Variants in NDUFA10 observed in about 807,000 individuals in gnomAD.
NDUFA10 encodes the protein NADH dehydrogenase [ubiquinone] 1 alpha subcomplex subunit 10, mitochondrial.
NDUFA10 carries 40 observed loss-of-function variants against 47.8 expected under a neutral mutation model. That is an observed-to-expected ratio of 0.84 (90% CI 0.65 to 1.09). The LOEUF is 1.09. NDUFA10 is among the 50% of genes least tolerant of loss of function. The probability of loss-of-function intolerance (pLI) is 0.00; values close to 1 mark genes in which losing one functional copy is unlikely to be tolerated. For missense variants in NDUFA10, 413 were observed against 451.1 expected (o/e 0.92, Z 0.76); for synonymous variants, 183 against 172.2 (o/e 1.06, Z -0.49).
chr2:239,934,768 G>A (rs531101445), intron 4 of NDUFA10, among the ~76,000 whole-genome samples: 1 of 152,288 alleles, frequency 6.6e-6, no homozygotes, highest in South Asian at 2.1e-4. Context: ...CCTCCGTGCA[G>A]CATCAATCAC....
At chr2:239,917,862 G>A (rs1012700677) in intron 4 of NDUFA10, among the ~76,000 whole-genome samples, 3 of 152,198 alleles carry the variant, frequency 2.0e-5, no homozygotes, top group African/African-American at 4.8e-5. Flanking sequence ...CCCACAACAA[G>A]AGCCCCTCTG....
At chr2:239,946,056 C>T (rs972242417) in intron 4 of NDUFA10, among the ~76,000 whole-genome samples, 7 of 152,364 alleles carry the variant, frequency 4.6e-5, no homozygotes, top group Middle Eastern at 3.4e-3. Flanking sequence ...CCAGGGCAGA[C>T]GTGTCCCTTG....
At chr2:239,962,240 C>CCCCT (rs1559322325) in intron 9 of NDUFA10, among the ~76,000 whole-genome samples, 1 of 151,476 alleles carries the variant, frequency 6.6e-6, no homozygotes, top group East Asian at 1.9e-4. Flanking sequence ...CACACACACA[C>CCCCT]CCCTTCCAAA....
chr2:239,965,306 G>T (rs951456154), intron 9 of NDUFA10, among the ~76,000 whole-genome samples: 1 of 151,784 alleles, frequency 6.6e-6, no homozygotes, highest in African/African-American at 2.4e-5. Context: ...GAACCATGCG[G>T]GGGGGGAGGG....
rs1694739620 is a variant in NDUFA10, at chr2:239,959,047, G to C, written c.*2071C>G. ...CCTCTTCTTGAGGCTTCTATGTGGA[G>C]AGAAGAATTGGACAGTGTTTATTCA... On this transcript the variant is annotated 3_prime_UTR_variant, in exon 10 of 10. Transcript: ENST00000252711. 4.1e-6 allele frequency: 4 copies of C among 985,362 alleles called. No individual in the cohort carries two copies. The South Asian group carries it at 1.9e-4, about 46-fold the overall frequency. 61.0% of individuals were successfully genotyped at this position (985,362 alleles called of 1,614,324 possible).
intron 4 of NDUFA10, among the ~76,000 whole-genome samples, chr2:239,934,299 G>C (rs1167452901): frequency 2.0e-5 from 3 of 152,198 alleles, no homozygotes; most frequent in Non-Finnish European, 4.4e-5. Context: ...TCACTGCCAT[G>C]TTGGGAGGGA....
chr2:239,955,835 T>C (rs936000528), downstream of NDUFA10, among the ~76,000 whole-genome samples: 10 of 152,074 alleles, frequency 6.6e-5, no homozygotes, highest in Admixed American at 1.3e-4. Flanking sequence ...ACCTCACCTG[T>C]GGGCACGGCT....
At chr2:239,940,335 G>T (rs1694340600) in intron 4 of NDUFA10, among the ~76,000 whole-genome samples, 1 of 152,190 alleles carries the variant, frequency 6.6e-6, no homozygotes, top group Non-Finnish European at 1.5e-5. Flanking sequence ...GAGAGTGTGT[G>T]GCATAAGGAT....
intron 9 of NDUFA10, among the ~76,000 whole-genome samples, chr2:239,989,232 A>G (rs561826149): frequency 1.3e-5 from 2 of 152,384 alleles, no homozygotes; most frequent in African/African-American, 4.8e-5. Context: ...AAATTTACTT[A>G]AAAGAAAATG....
In NDUFA10 at chr2:240,018,292, T is replaced by C. The variant is rs1574896724; in HGVS notation, c.547+261A>G. The C allele has an allele frequency of 1.1e-5, 11 of 1,000,160 alleles. No individual in the cohort carries two copies. The East Asian group carries it at 1.6e-4, about 14-fold the overall frequency. 62.0% of individuals were successfully genotyped at this position (1,000,160 alleles called of 1,614,324 possible). ...ACGGGAGGCTGTGGGGGCTGCACTT[T>C]AAGCTGCGTGTGTTTGAGGTCCAGG... is the stretch of plus-strand genomic sequence containing the variant. On this transcript the variant is annotated intron_variant, in intron 4 of 9. Transcript: ENST00000252711.
intron 3 of NDUFA10, among the ~76,000 whole-genome samples, chr2:240,020,071 C>T (rs1418761159): frequency 6.6e-6 from 1 of 152,228 alleles, no homozygotes. Flanking sequence ...CACCACCGTA[C>T]AACTGTGTAG....
At chr2:239,941,169 C>T (rs943551345) in intron 4 of NDUFA10, among the ~76,000 whole-genome samples, 2 of 152,216 alleles carry the variant, frequency 1.3e-5, no homozygotes, top group South Asian at 2.1e-4. Flanking sequence ...AGGCAATAGA[C>T]GTATGACCCA....
intron 9 of NDUFA10, among the ~76,000 whole-genome samples, chr2:239,974,681 T>C (rs997123331): frequency 3.3e-5 from 5 of 152,132 alleles, no homozygotes; most frequent in African/African-American, 1.2e-4. Flanking sequence ...TATGTGACAC[T>C]CTACCACCAA....
chr2:239,988,947 AGC>A (rs1491188125), intron 9 of NDUFA10, among the ~76,000 whole-genome samples: 2 of 151,500 alleles, frequency 1.3e-5, no homozygotes, highest in Non-Finnish European at 2.9e-5. Context: ...AGGGAGAAAC[AGC>A]ACACACACAC....
At chr2:239,966,402 A>C (rs1695058910) in intron 9 of NDUFA10, among the ~76,000 whole-genome samples, 1 of 152,164 alleles carries the variant, frequency 6.6e-6, no homozygotes, top group African/African-American at 2.4e-5. Flanking sequence ...AAAATGACAC[A>C]TGAGGGTGTG....
chr2:239,921,369 G>C (rs895620841), intron 4 of NDUFA10, among the ~76,000 whole-genome samples: 6 of 142,258 alleles, frequency 4.2e-5, no homozygotes, highest in Non-Finnish European at 9.0e-5. Flanking sequence ...CTACAGCGTG[G>C]AAAGGAACCC....
chr2:239,906,105 G>A lies in NDUFA10; in HGVS notation c.295-10791C>T, dbSNP rs1693650545. On this transcript the variant is annotated intron_variant, in intron 4 of 5. Coordinates refer to the NDUFA10 transcript ENST00000419408. The surrounding 1 kb of genome is among the most constrained non-coding windows in gnomAD (Gnocchi z 4.3). Reference sequence around the variant, plus strand: ...TTGAAGCAGCCCTGGCCACAGATGTGTGCTGAGCTCATGACCTTCGGGGGC... The same window carrying A: ...TTGAAGCAGCCCTGGCCACAGATGTATGCTGAGCTCATGACCTTCGGGGGC... 6.6e-6 allele frequency among the ~76,000 whole-genome samples: 1 copy of A among 152,134 alleles called. No homozygotes were observed. The highest frequency in any genetic ancestry group is 2.1e-4 in the South Asian group (1 of 4,828).
intron 9 of NDUFA10, chr2:239,982,175 C>G (rs1695804588): frequency 6.2e-7 from 1 of 1,612,880 alleles, no homozygotes; most frequent in Non-Finnish European, 8.5e-7. Context: ...CTTCAGGACC[C>G]TCTCTTGTAC....
rs532999141 is a variant in NDUFA10 at position 240,003,215 on chromosome 2, C to T, written c.890+1995G>A. On this transcript the variant is annotated intron_variant, in intron 8 of 9. Coordinates refer to ENST00000252711, the MANE Select transcript of NDUFA10 (RefSeq NM_004544.4). ...AACTTTTAGTGACATGTGCAGTGAGCCAGCTGTCCCTCTGGTCATCCTAGG... is the reference window on the plus strand; with the variant it reads ...AACTTTTAGTGACATGTGCAGTGAGTCAGCTGTCCCTCTGGTCATCCTAGG... 5.3e-5 allele frequency among the ~76,000 whole-genome samples: 8 copies of T among 152,218 alleles called. No homozygotes were observed. The South Asian group carries it at 1.5e-3, about 28-fold the overall frequency.
Sources: allele counts gnomAD v4.1 joint callset (sites outside exome capture counted in the v4.1 genomes callset), GRCh38; gene constraint gnomAD v4.1.1; non-coding constraint Gnocchi (gnomAD v3.1); transcripts MANE v1.5; gene names NCBI Gene and HGNC (gene_info 2026-07-23, HGNC 2026-07-21).